CSMD1: variants seen among roughly 807,000 people sequenced by gnomAD.
CSMD1 encodes CUB and Sushi multiple domains 1.
A neutral mutation model predicts 417.5 loss-of-function variants in CSMD1; 213 were observed. The ratio of observed to expected loss-of-function variants is 0.51; its 90% CI spans 0.46 to 0.57. CSMD1 has a LOEUF of 0.57. CSMD1 is among the 20% of genes least tolerant of loss of function. CSMD1 has a pLI of 0.00. For missense variants in CSMD1, 6,923 were observed against 4,529.7 expected (o/e 1.53, Z -15.17); for synonymous variants, 2,862 against 1,736.8 (o/e 1.65, Z -16.11).
intron 15 of CSMD1, among the ~76,000 whole-genome samples, chr8:3,400,485 G>T (rs544116441): frequency 6.6e-5 from 10 of 152,092 alleles, no homozygotes; most frequent in Non-Finnish European, 1.3e-4. Flanking sequence ...ATGTGAATTA[G>T]TGAAATTTAT....
intron 2 of CSMD1, among the ~76,000 whole-genome samples, chr8:4,581,521 A>G (rs1015391037): frequency 2.0e-5 from 3 of 152,216 alleles, no homozygotes; most frequent in Admixed American, 2.0e-4. Context: ...AGCATGCATT[A>G]TTTTAAATAC....
At chr8:3,320,665 C>A (rs1048133815) in intron 23 of CSMD1, among the ~76,000 whole-genome samples, 3 of 152,172 alleles carry the variant, frequency 2.0e-5, no homozygotes, top group African/African-American at 4.8e-5. Context: ...GACGCAAGAG[C>A]GCAGTTCCTC....
chr8:4,414,717 C>G (rs542653499), intron 3 of CSMD1, among the ~76,000 whole-genome samples: 2 of 152,156 alleles, frequency 1.3e-5, no homozygotes, highest in African/African-American at 2.4e-5. Flanking sequence ...ATATGAACTA[C>G]TAGAAAAAGT....
At chr8:4,154,392 G>C (rs931027374) in intron 3 of CSMD1, among the ~76,000 whole-genome samples, 13 of 152,176 alleles carry the variant, frequency 8.5e-5, no homozygotes, top group African/African-American at 2.9e-4. Flanking sequence ...CTAATCTATT[G>C]TATAAGTATA....
chr8:4,145,358 T>A (rs570621060), intron 3 of CSMD1, among the ~76,000 whole-genome samples: 1 of 151,056 alleles, frequency 6.6e-6, no homozygotes, highest in Non-Finnish European at 1.5e-5. Flanking sequence ...CAGAAAGATC[T>A]GGAAAAATGT....
intron 10 of CSMD1, among the ~76,000 whole-genome samples, chr8:3,545,540 C>G (rs1440086517): frequency 6.6e-6 from 1 of 152,090 alleles, no homozygotes; most frequent in Non-Finnish European, 1.5e-5. Flanking sequence ...TTTCACCACT[C>G]TAATGTGATG....
chr8:3,521,375 T>C (rs564540349), intron 10 of CSMD1, among the ~76,000 whole-genome samples: 1 of 152,284 alleles, frequency 6.6e-6, no homozygotes, highest in East Asian at 1.9e-4. Flanking sequence ...ATGTCAGCCC[T>C]GTTGTCTTCC....
chr8:4,749,756 C>A (rs1354769243), intron 1 of CSMD1, among the ~76,000 whole-genome samples: 1 of 151,972 alleles, frequency 6.6e-6, no homozygotes, highest in African/African-American at 2.4e-5. Context: ...ATAATATACA[C>A]CATCTAGATG....
At chr8:4,276,243 T>C (rs1796478806) in intron 3 of CSMD1, among the ~76,000 whole-genome samples, 1 of 152,158 alleles carries the variant, frequency 6.6e-6, no homozygotes, top group Non-Finnish European at 1.5e-5. Context: ...AACGATAGAC[T>C]GAATTTTAAA....
At chr8:4,757,358 C>T (rs1563307293) in intron 1 of CSMD1, among the ~76,000 whole-genome samples, 1 of 152,182 alleles carries the variant, frequency 6.6e-6, no homozygotes, top group East Asian at 1.9e-4. Flanking sequence ...TAGGCCCCAA[C>T]TCAGTCTTTA....
intron 3 of CSMD1, among the ~76,000 whole-genome samples, chr8:4,155,024 T>C (rs1424288167): frequency 6.6e-6 from 1 of 152,194 alleles, no homozygotes; most frequent in Non-Finnish European, 1.5e-5. Flanking sequence ...ATAAACCTCA[T>C]CACAGAACCT....
chr8:4,246,265 C>A (rs1013851840), intron 3 of CSMD1, among the ~76,000 whole-genome samples: 1 of 152,098 alleles, frequency 6.6e-6, no homozygotes, highest in Non-Finnish European at 1.5e-5. Context: ...TACATGATAA[C>A]TTGTGCTATT....
At chr8:4,113,855 C>G (rs1585341466) in intron 3 of CSMD1, among the ~76,000 whole-genome samples, 1 of 152,300 alleles carries the variant, frequency 6.6e-6, no homozygotes, top group African/African-American at 2.4e-5. Context: ...TCCTCATTTT[C>G]TTCAACTCTA....
intron 3 of CSMD1, among the ~76,000 whole-genome samples, chr8:4,405,159 C>A (rs955097584): frequency 6.6e-6 from 1 of 152,162 alleles, no homozygotes; most frequent in African/African-American, 2.4e-5. Context: ...CTCTTACTTC[C>A]TGGAATCCAC....
Position 4,057,091 on chromosome 8 carries a change from G to C in CSMD1, c.416-24992C>G, listed in dbSNP as rs528037840. ...GGGTCAAATGGTATTTGTAGTTCTA[G>C]ATCCCTGAGGAATCGCCACACTGAC... On this transcript the variant is annotated intron_variant, in intron 3 of 69. Coordinates refer to ENST00000635120, the MANE Select transcript of CSMD1 (RefSeq NM_033225.6). Among the ~76,000 whole-genome samples, 217 of 152,272 alleles carry C rather than the reference G, an allele frequency of 1.4e-3. 1 individual carries two copies. Among genetic ancestry groups the C allele is most frequent in the African/African-American group, 4.8e-3 (201 of 41,566 alleles).
chr8:2,946,021 T>A (rs1233155217), intron 68 of CSMD1, among the ~76,000 whole-genome samples: 2 of 152,158 alleles, frequency 1.3e-5, no homozygotes, highest in Non-Finnish European at 2.9e-5. Context: ...TGTGTGAGCA[T>A]CAGAGTGCAC....
chr8:3,451,383 C>A (rs1465185609), intron 12 of CSMD1, among the ~76,000 whole-genome samples: 1 of 152,162 alleles, frequency 6.6e-6, no homozygotes, highest in South Asian at 2.1e-4. Flanking sequence ...GACATGAAGT[C>A]CTTGCCCATG....
intron 12 of CSMD1, among the ~76,000 whole-genome samples, chr8:3,429,531 G>A (rs1389577393): frequency 6.6e-6 from 1 of 152,166 alleles, no homozygotes; most frequent in Non-Finnish European, 1.5e-5. Context: ...CACTTTGGGG[G>A]CTGTCAGGAA....
chr8:4,473,430 A>C (rs1293626302), intron 2 of CSMD1, among the ~76,000 whole-genome samples: 3 of 152,204 alleles, frequency 2.0e-5, no homozygotes, highest in African/African-American at 7.2e-5. Flanking sequence ...AGCTTACCTG[A>C]GTATTATTTT....
Sources: allele counts gnomAD v4.1 joint callset (sites outside exome capture counted in the v4.1 genomes callset), GRCh38; gene constraint gnomAD v4.1.1; transcripts MANE v1.5; gene names NCBI Gene and HGNC (gene_info 2026-07-23, HGNC 2026-07-21).